Variants in TNKS2 observed in about 807,000 individuals in gnomAD.
The protein encoded by TNKS2 is poly [ADP-ribose] polymerase tankyrase-2.
A neutral mutation model predicts 137.6 loss-of-function variants in TNKS2; 72 were observed. The ratio of observed to expected loss-of-function variants is 0.52; its 90% CI spans 0.43 to 0.64. The LOEUF (loss-of-function observed/expected upper bound fraction) is 0.64, where lower values mean the gene tolerates loss of function less well. TNKS2 is among the 30% of genes least tolerant of loss of function. The probability of loss-of-function intolerance (pLI) is 0.00; values close to 1 mark genes in which losing one functional copy is unlikely to be tolerated. For missense variants in TNKS2, 1,049 were observed against 1,410.2 expected, an observed-to-expected ratio of 0.74 and a Z score of 4.10; for synonymous variants, 516 against 512.1, an observed-to-expected ratio of 1.01 and a Z score of -0.10.
chr10:91,840,818 T>C, intron 14 of TNKS2, 112 bp downstream of exon 14: 1 of 1,052,480 alleles, frequency 9.5e-7, no homozygotes, highest in South Asian at 1.7e-5. Flanking sequence ...TTCCTAACAT[T>C]GGCCTAAATA....
At chr10:91,823,320 GTTTTT>G (rs3043666) in intron 7 of TNKS2, among the ~76,000 whole-genome samples, 15 of 113,612 alleles carry the variant, frequency 1.3e-4, no homozygotes, top group Admixed American at 9.5e-5. Context: ...TGGTTTTTTG[GTTTTT>G]TTTTTTTTTT....
At chr10:91,820,465 G>C (rs963024745) in intron 6 of TNKS2, among the ~76,000 whole-genome samples, 12 of 152,220 alleles carry the variant, frequency 7.9e-5, no homozygotes, top group African/African-American at 2.7e-4. Flanking sequence ...TGGGATAAGT[G>C]GGGGCTGCTA....
intron 18 of TNKS2, 60 bp from the exon 19 acceptor site, chr10:91,848,323 A>G (rs1439776568): frequency 2.6e-5 from 39 of 1,507,298 alleles, no homozygotes; most frequent in South Asian, 6.6e-5. Context: ...ATATTTTATT[A>G]GGTATAATAG....
At chr10:91,839,927 A>G (rs1305365446) in intron 13 of TNKS2, among the ~76,000 whole-genome samples, 1 of 152,212 alleles carries the variant, frequency 6.6e-6, no homozygotes, top group Non-Finnish European at 1.5e-5. Flanking sequence ...ACCTCTATGT[A>G]TATTTGCCAC....
chr10:91,851,370 AAC>A, intron 21 of TNKS2, 34 bp downstream of exon 21: 1 of 1,603,488 alleles, frequency 6.2e-7, no homozygotes, highest in South Asian at 1.1e-5. Flanking sequence ...TTGTCAGTTT[AAC>A]AGTTTGCATA....
In TNKS2 at chr10:91,849,062, CCTGACCT is replaced by C. The variant is rs1207187462; in HGVS notation, c.2611+429_2611+435del. Among the ~76,000 whole-genome samples, 4 of 152,230 alleles carry C rather than the reference CCTGACCT, an allele frequency of 2.6e-5. No individual in the cohort carries two copies. The East Asian group carries it at 7.7e-4, about 29-fold the overall frequency. ...ATTTTGGCCAGACTGGTCTTGAACT[CCTGACCT>C]CAGGTGATCCACCCGCCTCGGCCTC... On this transcript the variant is annotated intron_variant, in intron 19 of 26. Coordinates refer to ENST00000371627, the MANE Select transcript of TNKS2 (RefSeq NM_025235.4).
intron 1 of TNKS2, among the ~76,000 whole-genome samples, chr10:91,809,765 A>G (rs1261168613): frequency 1.3e-5 from 2 of 152,074 alleles, no homozygotes; most frequent in East Asian, 1.9e-4. Flanking sequence ...CTGTCTCTGC[A>G]TTTGATTCAT....
intron 23 of TNKS2, among the ~76,000 whole-genome samples, chr10:91,856,385 C>G (rs1304416407): frequency 6.6e-6 from 1 of 152,102 alleles, no homozygotes; most frequent in Non-Finnish European, 1.5e-5. Flanking sequence ...TACACAAATG[C>G]TAAACTCTGA....
chr10:91,807,357 A>C, intron 1 of TNKS2: 1 of 1,614,100 alleles, frequency 6.2e-7, no homozygotes. Context: ...ATATTTGAGA[A>C]CCACACGTGC....
intron 2 of TNKS2, among the ~76,000 whole-genome samples, chr10:91,814,097 A>C (rs1000054823): frequency 6.6e-6 from 1 of 152,190 alleles, no homozygotes; most frequent in Admixed American, 6.5e-5. Flanking sequence ...TTCCAGAAGA[A>C]GACATTATTA....
chr10:91,811,886 C>T (rs534673477), intron 1 of TNKS2, among the ~76,000 whole-genome samples: 1 of 152,156 alleles, frequency 6.6e-6, no homozygotes, highest in South Asian at 2.1e-4. Context: ...GGTGAAATCC[C>T]ATCTCTACTA....
intron 1 of TNKS2, among the ~76,000 whole-genome samples, chr10:91,812,037 C>G (rs186773578): frequency 6.9e-6 from 1 of 144,422 alleles, no homozygotes; most frequent in Non-Finnish European, 1.5e-5. Flanking sequence ...CCAGCCTGGG[C>G]GACAGAGCGA....
chr10:91,865,092 G>A lies in TNKS2; in HGVS notation c.*2093G>A, dbSNP rs372004441. The A allele has an allele frequency of 3.3e-5, 5 of 152,278 alleles. No individual in the cohort carries two copies. Among genetic ancestry groups the A allele is most frequent in the East Asian group, 1.9e-4 (1 of 5,186 alleles). The allele number at this position is 152,278 out of a possible 1,614,324, so 9.4% of individuals were successfully genotyped here. A position where few individuals can be genotyped will look rare whatever the true frequency, so the allele number is the denominator to read the frequency against. On this transcript the variant is annotated 3_prime_UTR_variant, in exon 27 of 27. Transcript: ENST00000371627. ...TTGGGGGGAGGGGGAGTATTAGTAC[G>A]TTGCATGAAATAGCTTACTTTATAA...
At chr10:91,799,808 T>C (rs915822207) in intron 1 of TNKS2, among the ~76,000 whole-genome samples, 4 of 152,194 alleles carry the variant, frequency 2.6e-5, no homozygotes, top group African/African-American at 9.7e-5. Flanking sequence ...TGATTGAAAA[T>C]GGGAGTACCT....
Position 91,818,375 on chromosome 10 carries a change from A to G in TNKS2, c.521-895A>G, listed in dbSNP as rs972166610. ...TATATTTGTATATATTTAAAGTAGC[A>G]TTAAATAAACATGATATTAGTGTCA... On this transcript the variant is annotated intron_variant, in intron 3 of 26. Coordinates refer to ENST00000371627, the MANE Select transcript of TNKS2 (RefSeq NM_025235.4). 2.0e-5 allele frequency among the ~76,000 whole-genome samples: 3 copies of G among 151,436 alleles called. No individual in the cohort carries two copies. In the East Asian group the frequency reaches 5.8e-4, roughly 29 times the overall value.
At chr10:91,832,487 A>G (rs1229457984) in intron 11 of TNKS2, among the ~76,000 whole-genome samples, 1 of 150,842 alleles carries the variant, frequency 6.6e-6, no homozygotes, top group African/African-American at 2.4e-5. Context: ...TTTTTTTTTA[A>G]GTGGGTATTT....
At chr10:91,832,953 ATCTT>A (rs1841868568) in intron 11 of TNKS2, among the ~76,000 whole-genome samples, 1 of 152,124 alleles carries the variant, frequency 6.6e-6, no homozygotes, top group Non-Finnish European at 1.5e-5. Context: ...CCACCAATAT[ATCTT>A]ATTTTTTCAC....
At chr10:91,846,271 G>A (rs115361546) in intron 18 of TNKS2, among the ~76,000 whole-genome samples, 2,377 of 152,246 alleles carry the variant, frequency 0.016, 78 homozygotes, top group African/African-American at 0.055. Context: ...TGCATACAGC[G>A]CAGATGGTAC....
chr10:91,812,953 C>G (rs757801616), intron 1 of TNKS2, 30 bp from the exon 2 acceptor site: 27 of 1,608,862 alleles, frequency 1.7e-5, no homozygotes, highest in Non-Finnish European at 4.3e-6. Context: ...CCTTGTTGAA[C>G]TTACGTGTGG....
Sources: gnomAD v4.1 joint callset for allele counts (sites outside exome capture counted in the v4.1 genomes callset) on GRCh38, gnomAD v4.1.1 for gene constraint, MANE v1.5 for transcripts, NCBI Gene and HGNC (gene_info 2026-07-23, HGNC 2026-07-21) for gene names.